SNX8: variants seen among roughly 807,000 people sequenced by gnomAD.
SNX8 encodes the protein sorting nexin-8.
Under a neutral mutation model 51.6 loss-of-function variants are expected in SNX8, and 25 were observed. The ratio of observed to expected loss-of-function variants is 0.48; its 90% CI spans 0.35 to 0.68. SNX8 has a LOEUF of 0.68. SNX8 is among the 30% of genes least tolerant of loss of function. SNX8 has a pLI of 0.00. For synonymous variants in SNX8, 324 were observed against 277.0 expected (o/e 1.17, Z -1.68); for missense variants, 695 against 624.0 (o/e 1.11, Z -1.21).
chr7:2,271,705 AAAG>A (rs1226923430), intron 4 of SNX8, 142 bp downstream of exon 4: 1 of 898,906 alleles, frequency 1.1e-6, no homozygotes, highest in Non-Finnish European at 1.7e-6. Flanking sequence ...TCTGGAAAGG[AAAG>A]AAGTCTTGTC....
intron 1 of SNX8, among the ~76,000 whole-genome samples, chr7:2,286,821 T>G (rs1224828186): frequency 6.6e-6 from 1 of 151,946 alleles, no homozygotes; most frequent in Non-Finnish European, 1.5e-5. Context: ...CAGCCTAAAT[T>G]TTTTATAGAT....
upstream of SNX8, among the ~76,000 whole-genome samples, chr7:2,315,447 T>C (rs1295557590): frequency 7.5e-6 from 1 of 132,952 alleles, no homozygotes; most frequent in African/African-American, 2.9e-5. Flanking sequence ...CACTCACTCA[T>C]GCACTGCATC....
At chr7:2,332,991 TG>T (rs1490086463) in intron 1 of SNX8, among the ~76,000 whole-genome samples, 1 of 152,098 alleles carries the variant, frequency 6.6e-6, no homozygotes, top group Non-Finnish European at 1.5e-5. Context: ...TGTAGTAAGC[TG>T]GGCACAGTGG....
chr7:2,315,367 C>T (rs1394915136), upstream of SNX8, among the ~76,000 whole-genome samples: 1 of 151,420 alleles, frequency 6.6e-6, no homozygotes, highest in Non-Finnish European at 1.5e-5. Context: ...CATTCACTCA[C>T]TTATTGCATC....
intron 1 of SNX8, among the ~76,000 whole-genome samples, chr7:2,328,523 C>T (rs1778669423): frequency 6.6e-6 from 1 of 150,778 alleles, no homozygotes. Context: ...AATCGAAATA[C>T]TGAATGTGGC....
intron 1 of SNX8, among the ~76,000 whole-genome samples, chr7:2,350,518 C>T (rs751272741): frequency 3.8e-4 from 58 of 152,302 alleles, no homozygotes; most frequent in Non-Finnish European, 7.5e-4. Flanking sequence ...AAAGCTTACC[C>T]CTGGGCCGAG....
At chr7:2,268,370 A>T (rs1301449820) in intron 5 of SNX8, among the ~76,000 whole-genome samples, 125 of 138,008 alleles carry the variant, frequency 9.1e-4, no homozygotes, top group African/African-American at 3.3e-3. Context: ...AGAAGTGAGG[A>T]GCCTCTCCGC....
intron 1 of SNX8, among the ~76,000 whole-genome samples, chr7:2,305,844 G>T (rs1720641411): frequency 6.6e-6 from 1 of 151,894 alleles, no homozygotes; most frequent in Admixed American, 6.6e-5. Context: ...ACTTTGGGAG[G>T]CCGAAGCAGG....
Position 2,269,670 on chromosome 7 carries a change from C to G in SNX8, c.541-31G>C, listed in dbSNP as rs761536261. Reference sequence around the variant, plus strand: ...AAAGGAAAACACACAGCTTCACCCTCTTCTACTAGCAGCAAGAAAGCTGCT... The same window carrying G: ...AAAGGAAAACACACAGCTTCACCCTGTTCTACTAGCAGCAAGAAAGCTGCT... On this transcript the variant is annotated intron_variant, in intron 4 of 10. Transcript: ENST00000222990. 12 of 1,489,542 alleles carry G rather than the reference C, an allele frequency of 8.1e-6. No individual in the cohort carries two copies. The East Asian group carries it at 1.2e-4, about 14-fold the overall frequency. The allele number at this position is 1,489,542 out of a possible 1,614,324, so 92.3% of individuals were successfully genotyped here.
chr7:2,272,237 G>A (rs1584685330), intron 3 of SNX8, among the ~76,000 whole-genome samples: 2 of 152,152 alleles, frequency 1.3e-5, no homozygotes, highest in South Asian at 2.1e-4. Flanking sequence ...TGTTTCCATC[G>A]GGAGTCCTGG....
At chr7:2,259,174 A>G (rs2115093807) in intron 7 of SNX8, among the ~76,000 whole-genome samples, 1 of 152,278 alleles carries the variant, frequency 6.6e-6, no homozygotes, top group African/African-American at 2.4e-5. Flanking sequence ...AAGGCAGCGG[A>G]AGCGGCAGCC....
rs575429870 is a variant in SNX8 at position 2,290,802 on chromosome 7, G to A, written c.95-12497C>T. ...ACACTGAGTCCCGAGAGTGACCTCC[G>A]CACAAAGCAGAGAATCTTCCCTCCT... On this transcript the variant is annotated intron_variant, in intron 1 of 10. Transcript: ENST00000222990. Among the ~76,000 whole-genome samples, 341 of 152,186 alleles carry A rather than the reference G, an allele frequency of 2.2e-3. 1 individual carries two copies. The highest frequency in any genetic ancestry group is 3.0e-3 in the Non-Finnish European group (205 of 68,006).
chr7:2,323,888 C>G (rs578135138), intron 1 of SNX8, among the ~76,000 whole-genome samples: 1 of 152,030 alleles, frequency 6.6e-6, no homozygotes, highest in East Asian at 1.9e-4. Flanking sequence ...TCACTGCAAC[C>G]TCAGGTGGAT....
At chr7:2,304,631 C>A (rs548860031) in intron 1 of SNX8, among the ~76,000 whole-genome samples, 1 of 152,172 alleles carries the variant, frequency 6.6e-6, no homozygotes, top group East Asian at 1.9e-4. Flanking sequence ...GAGGGAAGCA[C>A]GCCCATTTGC....
chr7:2,340,242 T>A (rs145342562), intron 1 of SNX8, among the ~76,000 whole-genome samples: 2,423 of 151,674 alleles, frequency 0.016, 67 homozygotes, highest in Admixed American at 0.06. Context: ...TTCATAATTT[T>A]TTTTTTTTTA....
At chr7:2,337,852 T>TAAAAA (rs66642038) in intron 1 of SNX8, among the ~76,000 whole-genome samples, 54,244 of 130,032 alleles carry the variant, frequency 0.42, 12,757 homozygotes, top group East Asian at 0.68. Context: ...GGATATCTTG[T>TAAAAA]AAAAAAAAAA....
At chr7:2,257,304 T>A (rs1795211107) in intron 9 of SNX8, 61 bp downstream of exon 9, 6 of 1,554,514 alleles carry the variant, frequency 3.9e-6, no homozygotes, top group Non-Finnish European at 5.2e-6. Context: ...CGGCTCCGGG[T>A]CCCACCATGG....
At chr7:2,325,368 A>G (rs1307535377) in intron 1 of SNX8, among the ~76,000 whole-genome samples, 1 of 152,192 alleles carries the variant, frequency 6.6e-6, no homozygotes, top group Non-Finnish European at 1.5e-5. Flanking sequence ...GGTTGTTACT[A>G]GAAATAGGGA....
chr7:2,282,172 C>T (rs1004588225), intron 1 of SNX8, among the ~76,000 whole-genome samples: 4 of 152,038 alleles, frequency 2.6e-5, no homozygotes, highest in Non-Finnish European at 5.9e-5. Flanking sequence ...AGATTTACCA[C>T]GCTCCAATCC....
Sources: gnomAD v4.1 joint callset for allele counts (sites outside exome capture counted in the v4.1 genomes callset) on GRCh38, gnomAD v4.1.1 for gene constraint, MANE v1.5 for transcripts, NCBI Gene and HGNC (gene_info 2026-07-23, HGNC 2026-07-21) for gene names.